TSGA10IP: variants seen among roughly 807,000 people sequenced by gnomAD.
TSGA10IP encodes testis specific 10 interacting protein, also known as testis-specific protein 10-interacting protein.
A neutral mutation model predicts 63.2 loss-of-function variants in TSGA10IP; 64 were observed. The ratio of observed to expected loss-of-function variants is 1.01; its 90% CI spans 0.83 to 1.25. TSGA10IP has a LOEUF of 1.25. Ranked by LOEUF, TSGA10IP falls within the 50% of genes most tolerant of loss-of-function variation. The pLI, the probability that TSGA10IP is intolerant of heterozygous loss-of-function variation, is 0.00. For synonymous variants in TSGA10IP, 316 were observed against 298.3 expected, an observed-to-expected ratio of 1.06 and a Z score of -0.61; for missense variants, 681 against 710.1, an observed-to-expected ratio of 0.96 and a Z score of 0.47.
chr11:65,958,236 C>T (rs1437886641), intron 5 of TSGA10IP, among the ~76,000 whole-genome samples: 2 of 152,206 alleles, frequency 1.3e-5, no homozygotes, highest in African/African-American at 2.4e-5. Context: ...CGAGCCACCA[C>T]GCCTGGCCAA....
intron 5 of TSGA10IP, among the ~76,000 whole-genome samples, chr11:65,958,547 G>C (rs1259086642): frequency 1.3e-5 from 2 of 152,286 alleles, no homozygotes; most frequent in East Asian, 3.9e-4. Flanking sequence ...GTAAGCACGT[G>C]TCTGGAAGCT....
chr11:65,947,321 G>A lies in TSGA10IP; in HGVS notation c.496G>A (p.Ala166Thr), dbSNP rs1205362369. 3 of 1,612,320 alleles carry A rather than the reference G, an allele frequency of 1.9e-6. No homozygotes were observed. The South Asian group carries it at 3.3e-5, about 18-fold the overall frequency. The change falls in exon 3 of 8, where the codon GCG becomes ACG. Residue 166 changes from alanine to threonine, a missense_variant. Ala to Thr is a moderately conservative substitution (Grantham distance 58). Transcript: ENST00000532620. The stretch of plus-strand genomic sequence containing the variant: ...CCATGGCTGCTGCTGGAAGACAGAG[G>A]CGCAAAACCTGAAGGCGAGACAGCA...
intron 1 of TSGA10IP, 117 bp downstream of exon 1, chr11:65,945,939 T>G: frequency 1.5e-6 from 2 of 1,293,774 alleles, no homozygotes; most frequent in Non-Finnish European, 2.1e-6. Flanking sequence ...CAGATGAAAC[T>G]CAGGGAGGCA....
chr11:65,947,500 C>T (rs749511522), exon 3 of TSGA10IP: 4 of 1,613,038 alleles, frequency 2.5e-6, no homozygotes, highest in Admixed American at 1.7e-5. Flanking sequence ...CTGAGGAGGC[C>T]GAGAGGGGTC....
rs367868269 is a variant in TSGA10IP at position 65,948,096 on chromosome 11, G to A, written c.1099G>A (p.Val367Met). ...TGCCTCGGGATACGATGAAACTTTC[G>A]TGTCTGCCAACCTCCCTAATCGCAC... The change falls in exon 4 of 8, where the codon GTG becomes ATG. Residue 367 changes from valine to methionine, a missense_variant. By Grantham distance (21) the Val-to-Met change is conservative. Transcript: ENST00000532620. 147 of 1,597,620 alleles carry A rather than the reference G, an allele frequency of 9.2e-5. No individual in the cohort carries two copies. Among genetic ancestry groups the A allele is most frequent in the East Asian group, 2.3e-4 (10 of 44,234 alleles).
At position 65,959,844 on chromosome 11, in the gene TSGA10IP, G is replaced by A. The variant is rs76654835; in HGVS notation, c.1575G>A (p.Met525Ile). ...GCCACAGGTCAATGGGGGTGAGAAT[G>A]GAGCACTCTCCTCAGAGGCCCCCAA... is the stretch of plus-strand genomic sequence containing the variant. The change falls in exon 8 of 8, where the codon ATG becomes ATA. Residue 525 changes from methionine to isoleucine, a missense_variant. By Grantham distance (10) the Met-to-Ile change is conservative. Transcript: ENST00000532620. The A allele has an allele frequency of 5.2e-3, 8,151 of 1,580,990 alleles. 566 individuals are homozygous for A. In the East Asian group the frequency reaches 0.15, roughly 30 times the overall value.
In TSGA10IP at chr11:65,959,173, G is replaced by A. The variant is rs141010009; in HGVS notation, c.1423-17G>A. On this transcript the variant is annotated splice_polypyrimidine_tract_variant and intron_variant, in intron 6 of 7. Transcript: ENST00000532620. ...CAGCCCTGGTGCAGAGCAGGAAGCC[G>A]TCTTCTCTCTCCTCAGGCCAATGCC... The A allele has an allele frequency of 1.4e-3, 2,180 of 1,599,508 alleles. 22 individuals carry two copies. In the African/African-American group the frequency reaches 0.022, roughly 16 times the overall value.
intron 4 of TSGA10IP, 110 bp downstream of exon 4, chr11:65,948,258 A>G (rs1345443885): frequency 2.2e-6 from 3 of 1,365,584 alleles, no homozygotes; most frequent in Non-Finnish European, 2.9e-6. Context: ...TTATTTATCC[A>G]TTCACCAAAC....
At chr11:65,947,071 G>A in intron 2 of TSGA10IP, 39 bp from the exon 3 acceptor site, 3 of 1,609,658 alleles carry the variant, frequency 1.9e-6, no homozygotes, top group Non-Finnish European at 2.5e-6. Flanking sequence ...CCCTCTGGGG[G>A]CTGGCGCCGA....
chr11:65,947,675 G>T, exon 3 of TSGA10IP: 2 of 1,606,732 alleles, frequency 1.2e-6, no homozygotes, highest in South Asian at 1.1e-5. Flanking sequence ...GGAAGCCTCC[G>T]ATGAGGGAGA....
At chr11:65,945,726 C>T (rs1854815057) in exon 1 of TSGA10IP, 2 of 1,610,606 alleles carry the variant, frequency 1.2e-6, no homozygotes, top group Non-Finnish European at 1.7e-6. Flanking sequence ...TGGTTAGGAC[C>T]CCGTCGGTGC....
At position 65,945,834 on chromosome 11, in the gene TSGA10IP, C is replaced by T. The variant is rs1294086975; in HGVS notation, c.147+12C>T. On this transcript the variant is annotated intron_variant, in intron 1 of 7. Coordinates refer to ENST00000532620, the Ensembl canonical transcript of TSGA10IP. ...CTCAGGACAAGCAGGTGAGGGAGGCCCAGTGAGGACACTTCCAGCTGCCTA... is the reference window on the plus strand; with the variant it reads ...CTCAGGACAAGCAGGTGAGGGAGGCTCAGTGAGGACACTTCCAGCTGCCTA... The T allele has an allele frequency of 6.2e-7, 1 of 1,612,480 alleles. No homozygotes were observed. Among genetic ancestry groups the T allele is most frequent in the Non-Finnish European group, 8.5e-7 (1 of 1,179,048 alleles).
At chr11:65,958,843 TGTCC>T (rs1855067927) in intron 5 of TSGA10IP, 36 bp from the exon 6 acceptor site, 4 of 1,556,314 alleles carry the variant, frequency 2.6e-6, no homozygotes, top group Non-Finnish European at 3.5e-6. Flanking sequence ...TCAACAGTTG[TGTCC>T]ATGGTTAGCT....
At chr11:65,959,788 A>T in intron 7 of TSGA10IP, 29 bp from the exon 8 acceptor site, 1 of 1,536,342 alleles carries the variant, frequency 6.5e-7, no homozygotes, top group Non-Finnish European at 8.8e-7. Flanking sequence ...GGAGCTGCAG[A>T]GTCAGGGGCC....
intron 5 of TSGA10IP, among the ~76,000 whole-genome samples, chr11:65,957,775 C>T (rs1855050730): frequency 6.6e-6 from 1 of 152,150 alleles, no homozygotes; most frequent in Non-Finnish European, 1.5e-5. Context: ...TCTTCCCTCC[C>T]CTCCTGTCCA....
chr11:65,959,435 G>A, intron 7 of TSGA10IP, 121 bp downstream of exon 7: 1 of 1,429,344 alleles, frequency 7.0e-7, no homozygotes, highest in South Asian at 1.4e-5. Flanking sequence ...CCAGAGGAAG[G>A]CAAGGCCAGG....
chr11:65,958,827 T>G, intron 5 of TSGA10IP, 56 bp from the exon 6 acceptor site: 3 of 1,465,584 alleles, frequency 2.0e-6, no homozygotes, highest in Non-Finnish European at 2.8e-6. Flanking sequence ...GGCTCAGGAA[T>G]GGAGATCAAC....
intron 4 of TSGA10IP, among the ~76,000 whole-genome samples, chr11:65,952,762 A>C (rs948563932): frequency 6.6e-6 from 1 of 151,094 alleles, no homozygotes; most frequent in Admixed American, 6.6e-5. Flanking sequence ...TCCTGGGCTC[A>C]AGCGATCCAC....
intron 4 of TSGA10IP, 31 bp from the exon 5 acceptor site, chr11:65,953,536 C>A: frequency 6.6e-7 from 1 of 1,522,516 alleles, no homozygotes; most frequent in Non-Finnish European, 8.8e-7. Flanking sequence ...TGCCCGTGAA[C>A]CTCTCATTCC....
Sources: allele counts gnomAD v4.1 joint callset (sites outside exome capture counted in the v4.1 genomes callset), GRCh38; gene constraint gnomAD v4.1.1; transcripts MANE v1.5; gene names NCBI Gene and HGNC (gene_info 2026-07-23, HGNC 2026-07-21).